Variants in TRPM3 observed in about 807,000 individuals in gnomAD.
TRPM3 encodes the protein transient receptor potential cation channel subfamily M member 3, also known as long transient receptor potential channel 3.
A neutral mutation model predicts 181.2 loss-of-function variants in TRPM3; 77 were observed. The ratio of observed to expected loss-of-function variants is 0.42; its 90% CI spans 0.35 to 0.51. The LOEUF is 0.51. TRPM3 is among the 20% of genes least tolerant of loss of function. The pLI is 0.01. For synonymous variants in TRPM3, 745 were observed against 796.4 expected, an observed-to-expected ratio of 0.94 and a Z score of 1.09; for missense variants, 1,759 against 2,196.7, an observed-to-expected ratio of 0.80 and a Z score of 3.98.
intron 22 of TRPM3, among the ~76,000 whole-genome samples, chr9:70,582,515 C>T (rs562861693): frequency 6.9e-4 from 105 of 152,278 alleles, no homozygotes; most frequent in African/African-American, 2.4e-3. Flanking sequence ...AGATGTGGGT[C>T]CCTGCTCTCA....
intron 6 of TRPM3, among the ~76,000 whole-genome samples, chr9:70,805,979 T>C (rs901224477): frequency 4.6e-5 from 7 of 152,202 alleles, no homozygotes; most frequent in South Asian, 4.1e-4. Flanking sequence ...TCAGATTTGT[T>C]TGATGACCAG....
At position 70,846,459 on chromosome 9, in the gene TRPM3, G is replaced by A; in HGVS notation, c.595C>T (p.Leu199Phe). ...GLQNFELQPK[L>F]KQVFGKGLIK... ...AGCCCTTTCCCAAAGACTTGCTTGA[G>A]TTTTGGCTGGAGTTCAAAGTTCTGC... The change falls in exon 4 of 26, where the codon CTC becomes TTC. Residue 199 changes from leucine to phenylalanine, a missense_variant. Leu to Phe is a conservative substitution (Grantham distance 22). Coordinates refer to ENST00000677713, the MANE Select transcript of TRPM3 (RefSeq NM_001366145.2). The A allele has an allele frequency of 6.2e-7, 1 of 1,614,144 alleles. No homozygotes were observed. The highest frequency in any genetic ancestry group is 8.5e-7 in the Non-Finnish European group (1 of 1,180,016).
chr9:70,674,483 G>C (rs1481543451), intron 9 of TRPM3, among the ~76,000 whole-genome samples: 2 of 152,140 alleles, frequency 1.3e-5, no homozygotes, highest in Non-Finnish European at 1.5e-5. Context: ...GTGAAGGTTG[G>C]TGATAGTAAC....
At chr9:71,164,110 A>G (rs866241914) in intron 1 of TRPM3, among the ~76,000 whole-genome samples, 26 of 152,206 alleles carry the variant, frequency 1.7e-4, no homozygotes, top group African/African-American at 6.0e-4. Context: ...TACAATTAAG[A>G]AGGCAGGAGC....
At chr9:70,607,871 C>G (rs2061435553) in intron 19 of TRPM3, among the ~76,000 whole-genome samples, 1 of 152,218 alleles carries the variant, frequency 6.6e-6, no homozygotes, top group Non-Finnish European at 1.5e-5. Context: ...CTCTCTGTCT[C>G]TCACTACTCA....
At chr9:71,384,542 T>A (rs973961792) in intron 1 of TRPM3, among the ~76,000 whole-genome samples, 1 of 152,224 alleles carries the variant, frequency 6.6e-6, no homozygotes, top group Non-Finnish European at 1.5e-5. Flanking sequence ...GTGTAACCTA[T>A]ACATCTTTCT....
chr9:70,552,787 A>G, intron 24 of TRPM3, 57 bp downstream of exon 24: 3 of 1,582,524 alleles, frequency 1.9e-6, no homozygotes, highest in Admixed American at 1.7e-5. Flanking sequence ...GTGATTGCCT[A>G]TAGGAAGTGG....
chr9:70,535,927 C>G lies in TRPM3; in HGVS notation c.*26G>C. The G allele has an allele frequency of 6.5e-7, 1 of 1,542,808 alleles. No homozygotes were observed. The highest frequency in any genetic ancestry group is 8.7e-7 in the Non-Finnish European group (1 of 1,147,850). On this transcript the variant is annotated 3_prime_UTR_variant, in exon 26 of 26. Transcript: ENST00000677713. ...AGAATTTTAGGGCTGGATTCTTGAG[C>G]CTTCTGTGGCGGATATTAAGAAGGT...
chr9:71,296,368 A>G (rs985781145), intron 1 of TRPM3, among the ~76,000 whole-genome samples: 2 of 152,166 alleles, frequency 1.3e-5, no homozygotes, highest in Non-Finnish European at 2.9e-5. Flanking sequence ...AGTGTGTTGG[A>G]GGCTACTTTT....
At chr9:71,208,268 C>T (rs193139213) in intron 1 of TRPM3, among the ~76,000 whole-genome samples, 2 of 152,034 alleles carry the variant, frequency 1.3e-5, no homozygotes, top group African/African-American at 4.8e-5. Context: ...TAGTGTAAAA[C>T]GGTATGTCTA....
chr9:70,761,296 C>G (rs544910324), intron 8 of TRPM3: 1 of 603,792 alleles, frequency 1.7e-6, no homozygotes, highest in African/African-American at 1.9e-5. Context: ...CAAGCTGAAG[C>G]GTTCTCCAGG....
At chr9:71,251,868 C>T (rs1254280429) in intron 1 of TRPM3, among the ~76,000 whole-genome samples, 1 of 152,142 alleles carries the variant, frequency 6.6e-6, no homozygotes, top group African/African-American at 2.4e-5. Context: ...CCATCCTCTC[C>T]ACCTTCTGGT....
intron 1 of TRPM3, among the ~76,000 whole-genome samples, chr9:70,875,015 A>G (rs965112692): frequency 6.6e-6 from 1 of 151,994 alleles, no homozygotes; most frequent in Admixed American, 6.6e-5. Context: ...GATGATTCCA[A>G]TTCTGAGGTC....
intron 1 of TRPM3, among the ~76,000 whole-genome samples, chr9:70,897,157 G>T (rs1377322658): frequency 7.0e-6 from 1 of 142,546 alleles, no homozygotes; most frequent in Non-Finnish European, 1.5e-5. Flanking sequence ...AACTGTAGTT[G>T]CCCCACTCTG....
In TRPM3 at chr9:71,200,472, G is replaced by A. The variant is rs1224597306; in HGVS notation, c.183+246181C>T. Among the ~76,000 whole-genome samples, 8 of 151,422 alleles carry A rather than the reference G, an allele frequency of 5.3e-5. 1 individual carries two copies. Among genetic ancestry groups the A allele is most frequent in the South Asian group, 4.2e-4 (2 of 4,724 alleles). On this transcript the variant is annotated intron_variant, in intron 1 of 24. Transcript: ENST00000357533. ...TGATCTGTCTAAAGTTGACAGTGGG[G>A]TGTTAAAGTCTCCCATTATTATTGT...
intron 12 of TRPM3, among the ~76,000 whole-genome samples, chr9:70,626,836 T>C (rs1410073948): frequency 5.3e-5 from 8 of 152,200 alleles, no homozygotes; most frequent in Admixed American, 5.2e-4. Context: ...GGCAACTGTA[T>C]CCATTTGAAG....
chr9:71,281,371 G>A (rs2084693539), intron 1 of TRPM3, among the ~76,000 whole-genome samples: 1 of 152,190 alleles, frequency 6.6e-6, no homozygotes, highest in Admixed American at 6.5e-5. Context: ...TAGAGCTTGA[G>A]TCACCTTACA....
chr9:70,757,971 T>C (rs188188643), intron 8 of TRPM3, among the ~76,000 whole-genome samples: 191 of 152,302 alleles, frequency 1.3e-3, no homozygotes, highest in Non-Finnish European at 2.2e-3. Context: ...TATTGGAAGT[T>C]CTGGCCAGGT....
intron 1 of TRPM3, among the ~76,000 whole-genome samples, chr9:71,043,206 A>T (rs1271068882): frequency 6.6e-6 from 1 of 152,182 alleles, no homozygotes; most frequent in East Asian, 1.9e-4. Flanking sequence ...CTTAGTAGCC[A>T]TCTACTTTCC....
Sources: allele counts gnomAD v4.1 joint callset (sites outside exome capture counted in the v4.1 genomes callset), GRCh38; gene constraint gnomAD v4.1.1; transcripts MANE v1.5; gene names NCBI Gene and HGNC (gene_info 2026-07-23, HGNC 2026-07-21).